Variants in ALDH1B1 observed in about 807,000 individuals in gnomAD.
ALDH1B1 encodes the protein aldehyde dehydrogenase 1 family member B1, also known as aldehyde dehydrogenase family 1 member B1, mitochondrial.
ALDH1B1 carries 19 observed loss-of-function variants against 26.2 expected under a neutral mutation model. That is an observed-to-expected ratio of 0.72 (90% CI 0.51 to 1.06). The LOEUF is 1.06. Among genes scored for constraint, ALDH1B1 ranks in the 50% least tolerant of loss-of-function variants. ALDH1B1 has a pLI of 0.00. For missense variants in ALDH1B1, 671 were observed against 683.1 expected, an observed-to-expected ratio of 0.98 and a Z score of 0.20; for synonymous variants, 249 against 286.0, an observed-to-expected ratio of 0.87 and a Z score of 1.31.
At position 38,395,880 on chromosome 9, in the gene ALDH1B1, A is replaced by G. The variant is rs1271164660; in HGVS notation, c.132A>G (p.Glu44=). The G allele has an allele frequency of 1.9e-6, 3 of 1,613,746 alleles. No individual in the cohort carries two copies. In the African/African-American group the frequency reaches 4.0e-5, roughly 22 times the overall value. The part of the protein sequence containing the change: ...IPYNQLFINN[E]WQDAVSKKTF... ...ACAACCAGCTGTTCATCAACAATGA[A>G]TGGCAAGATGCAGTCAGCAAGAAGA... Residue 44 remains glutamate (E), a synonymous_variant, in exon 2 of 2, where the codon GAA becomes GAG. Transcript: ENST00000377698.
At chr9:38,392,995 G>A (rs1821219051) in intron 1 of ALDH1B1, among the ~76,000 whole-genome samples, 188 bp downstream of exon 1, 1 of 152,198 alleles carries the variant, frequency 6.6e-6, no homozygotes, top group Non-Finnish European at 1.5e-5. Flanking sequence ...GGAGCCCCGA[G>A]GACACAGACG....
rs907585977 is a variant in ALDH1B1, at chr9:38,398,142, G to C, written c.*840G>C. On this transcript the variant is annotated 3_prime_UTR_variant, in exon 2 of 2. Transcript: ENST00000377698. The stretch of plus-strand genomic sequence containing the variant: ...ATCCATGGAGATGGAACATAGATTA[G>C]TGGTTGCCAGGGGATAGAGGAGTAA... The C allele has an allele frequency of 3.6e-5, 6 of 167,120 alleles. No individual in the cohort carries two copies. The highest frequency in any genetic ancestry group is 1.5e-5 in the Non-Finnish European group (1 of 68,138). The allele number at this position is 167,120 out of a possible 1,614,324, so 10.4% of individuals were successfully genotyped here. A position where few individuals can be genotyped will look rare whatever the true frequency, so the allele number is the denominator to read the frequency against.
rs1427149031 is a variant in ALDH1B1 at position 38,396,905 on chromosome 9, G to C, written c.1157G>C (p.Cys386Ser). The C allele has an allele frequency of 2.5e-6, 4 of 1,614,098 alleles. No individual in the cohort carries two copies. The highest frequency in any genetic ancestry group is 2.5e-6 in the Non-Finnish European group (3 of 1,180,060). Residue 386 changes from cysteine (C) to serine (S), a missense_variant, in exon 2 of 2, where the codon TGT (cysteine) becomes TCT (serine). By Grantham distance (112) the Cys-to-Ser change is moderately radical. Transcript: ENST00000377698. ...LGQKEGAKLL[C>S]GGERFGERGF... ...CAGAAGGAGGGCGCAAAACTCCTCTGTGGCGGAGAGCGTTTCGGGGAGCGT... is the reference window on the plus strand; with the variant it reads ...CAGAAGGAGGGCGCAAAACTCCTCTCTGGCGGAGAGCGTTTCGGGGAGCGT...
intron 1 of ALDH1B1, among the ~76,000 whole-genome samples, chr9:38,395,485 G>T (rs1395256087): frequency 6.6e-6 from 1 of 152,144 alleles, no homozygotes; most frequent in Non-Finnish European, 1.5e-5. Flanking sequence ...TTTTTAAAGG[G>T]TGGTCAGGGA....
At position 38,397,507 on chromosome 9, in the gene ALDH1B1, AC is replaced by A; in HGVS notation, c.*210del. On this transcript the variant is annotated 3_prime_UTR_variant, in exon 2 of 2. Transcript: ENST00000377698. ...CCAGGCTCAGAGTTCTACCTATCTAACCCCCAACCACAGCCCCCTTGGTGGC... is the reference window on the plus strand; with the variant it reads ...CCAGGCTCAGAGTTCTACCTATCTAACCCCAACCACAGCCCCCTTGGTGGC... 1 of 709,192 alleles carries A rather than the reference AC, an allele frequency of 1.4e-6. No individual in the cohort carries two copies. The highest frequency in any genetic ancestry group is 2.2e-6 in the Non-Finnish European group (1 of 447,178). 43.9% of individuals were successfully genotyped at this position (709,192 alleles called of 1,614,324 possible). A position where few individuals can be genotyped will look rare whatever the true frequency, so the allele number is the denominator to read the frequency against.
At position 38,397,437 on chromosome 9, in the gene ALDH1B1, A is replaced by AAATC; in HGVS notation, c.*137_*138insTCAA. On this transcript the variant is annotated 3_prime_UTR_variant, in exon 2 of 2. Transcript: ENST00000377698. ...AACTCTTAGAAGAAACCCCACAAAT[A>AAATC]AAGCAATTCAATCAAGGCTGTTCTA... 8.1e-7 allele frequency: 1 copy of AAATC among 1,236,248 alleles called. No individual in the cohort carries two copies. Among genetic ancestry groups the AAATC allele is most frequent in the African/African-American group, 1.5e-5 (1 of 65,506 alleles). 76.6% of individuals were successfully genotyped at this position (1,236,248 alleles called of 1,614,324 possible).
Position 38,397,585 on chromosome 9 carries a change from A to G in ALDH1B1, c.*283A>G. On this transcript the variant is annotated 3_prime_UTR_variant, in exon 2 of 2. Coordinates refer to ENST00000377698, the MANE Select transcript of ALDH1B1 (RefSeq NM_000692.5). ...GGAGTCTCTGGAGGACAGATTAAAA[A>G]CCAGTGATCTGTAATTTGTAGCTCT... 1 of 370,004 alleles carries G rather than the reference A, an allele frequency of 2.7e-6. No individual in the cohort carries two copies. Among genetic ancestry groups the G allele is most frequent in the Non-Finnish European group, 5.1e-6 (1 of 197,278 alleles). The allele number at this position is 370,004 out of a possible 1,614,324, so 22.9% of individuals were successfully genotyped here. A position where few individuals can be genotyped will look rare whatever the true frequency, so the allele number is the denominator to read the frequency against.
Position 38,396,065 on chromosome 9 carries a change from A to T in ALDH1B1, c.317A>T (p.Asn106Ile), listed in dbSNP as rs1403445746. 1 of 1,614,046 alleles carries T rather than the reference A, an allele frequency of 6.2e-7. No homozygotes were observed. Among genetic ancestry groups the T allele is most frequent in the Non-Finnish European group, 8.5e-7 (1 of 1,179,984 alleles). ...MDASERGRLL[N>I]RLADLVERDR... Reference sequence around the variant, plus strand: ...GCCTCTGAGCGGGGCCGGCTGCTGAACCGCCTGGCAGACCTAGTGGAGCGG... The same window carrying T: ...GCCTCTGAGCGGGGCCGGCTGCTGATCCGCCTGGCAGACCTAGTGGAGCGG... Residue 106 changes from asparagine (N) to isoleucine (I), a missense_variant, in exon 2 of 2, where the codon AAC becomes ATC. Coordinates refer to ENST00000377698, the MANE Select transcript of ALDH1B1 (RefSeq NM_000692.5).
chr9:38,396,869 T>C lies in ALDH1B1; in HGVS notation c.1121T>C (p.Ile374Thr). 2 of 1,614,220 alleles carry C rather than the reference T, an allele frequency of 1.2e-6. No individual in the cohort carries two copies. Among genetic ancestry groups the C allele is most frequent in the Non-Finnish European group, 1.7e-6 (2 of 1,180,048 alleles). The change falls in exon 2 of 2, where the codon ATC (isoleucine) becomes ACC (threonine). Residue 374 changes from isoleucine (I) to threonine (T), a missense_variant. By Grantham distance (89) the Ile-to-Thr change is moderately conservative. Transcript: ENST00000377698. ...KEQFERVLGY[I>T]QLGQKEGAKL... ...CAGTTTGAACGAGTCCTAGGCTACA[T>C]CCAGCTTGGCCAGAAGGAGGGCGCA...
In ALDH1B1 at chr9:38,397,502, A is replaced by G. The variant is rs2118264350; in HGVS notation, c.*200A>G. The stretch of plus-strand genomic sequence containing the variant: ...GGGGACCAGGCTCAGAGTTCTACCT[A>G]TCTAACCCCCAACCACAGCCCCCTT... On this transcript the variant is annotated 3_prime_UTR_variant, in exon 2 of 2. Coordinates refer to ENST00000377698, the MANE Select transcript of ALDH1B1 (RefSeq NM_000692.5). 1.3e-6 allele frequency: 1 copy of G among 781,564 alleles called. No homozygotes were observed. The highest frequency in any genetic ancestry group is 2.0e-6 in the Non-Finnish European group (1 of 507,536). 48.4% of individuals were successfully genotyped at this position (781,564 alleles called of 1,614,324 possible). A position where few individuals can be genotyped will look rare whatever the true frequency, so the allele number is the denominator to read the frequency against.
At position 38,396,677 on chromosome 9, in the gene ALDH1B1, C is replaced by T. The variant is rs760774339; in HGVS notation, c.929C>T (p.Ala310Val). The change falls in exon 2 of 2, where the codon GCC (alanine) becomes GTC (valine). Residue 310 changes from alanine (A) to valine (V), a missense_variant. Transcript: ENST00000377698. ...CATGCCGTGGAGCAGTGCCACGAAG[C>T]CCTGTTCTTCAACATGGGCCAGTGC... is the stretch of plus-strand genomic sequence containing the variant. ...MEHAVEQCHEALFFNMGQCCC... is the reference protein window; with the variant it reads ...MEHAVEQCHEVLFFNMGQCCC... The T allele has an allele frequency of 6.2e-7, 1 of 1,614,078 alleles. No homozygotes were observed. Among genetic ancestry groups the T allele is most frequent in the Non-Finnish European group, 8.5e-7 (1 of 1,180,054 alleles).
Position 38,395,926 on chromosome 9 carries a change from A to G in ALDH1B1, c.178A>G (p.Thr60Ala). ...SKKTFPTVNP[T>A]TGEVIGHVAE... ...GAAGACCTTCCCGACGGTCAACCCT[A>G]CCACCGGGGAGGTCATTGGGCACGT... Residue 60 changes from threonine (T) to alanine (A), a missense_variant, in exon 2 of 2, where the codon ACC (threonine) becomes GCC (alanine). Coordinates refer to ENST00000377698, the MANE Select transcript of ALDH1B1 (RefSeq NM_000692.5). 6.2e-7 allele frequency: 1 copy of G among 1,613,828 alleles called. No homozygotes were observed. Among genetic ancestry groups the G allele is most frequent in the Non-Finnish European group, 8.5e-7 (1 of 1,180,002 alleles).
rs1408596824 is a variant in ALDH1B1, at chr9:38,396,707, G to A, written c.959G>A (p.Cys320Tyr). The A allele has an allele frequency of 3.1e-6, 5 of 1,614,226 alleles. No homozygotes were observed. The highest frequency in any genetic ancestry group is 4.2e-6 in the Non-Finnish European group (5 of 1,180,046). Residue 320 changes from cysteine (C) to tyrosine (Y), a missense_variant, in exon 2 of 2, where the codon TGT becomes TAT. By Grantham distance (194) the Cys-to-Tyr change is radical (BLOSUM62 -2). Transcript: ENST00000377698. The part of the protein sequence containing the change: ...ALFFNMGQCC[C>Y]AGSRTFVEES... The stretch of plus-strand genomic sequence containing the variant: ...TTCTTCAACATGGGCCAGTGCTGCT[G>A]TGCTGGCTCCCGGACCTTCGTGGAA...
In ALDH1B1 at chr9:38,396,189, G is replaced by A; in HGVS notation, c.441G>A (p.Arg147=). Reference sequence around the variant, plus strand: ...TGGATGAGGTCATCAAGGTGTATCGGTACTTTGCTGGCTGGGCTGACAAGT... The same window carrying A: ...TGGATGAGGTCATCAAGGTGTATCGATACTTTGCTGGCTGGGCTGACAAGT... ...LDLDEVIKVY[R]YFAGWADKWH... The change falls in exon 2 of 2, where the codon CGG becomes CGA. Residue 147 remains arginine (R), a synonymous_variant. Transcript: ENST00000377698. 1 of 1,614,194 alleles carries A rather than the reference G, an allele frequency of 6.2e-7. No homozygotes were observed. The highest frequency in any genetic ancestry group is 8.5e-7 in the Non-Finnish European group (1 of 1,180,026).
At position 38,396,220 on chromosome 9, in the gene ALDH1B1, G is replaced by A. The variant is rs775347132; in HGVS notation, c.472G>A (p.Gly158Ser). 1.9e-6 allele frequency: 3 copies of A among 1,614,082 alleles called. No homozygotes were observed. Among genetic ancestry groups the A allele is most frequent in the Admixed American group, 3.3e-5 (2 of 60,014 alleles). ...TGCTGGCTGGGCTGACAAGTGGCAT[G>A]GCAAGACCATCCCCATGGATGGCCA... ...YFAGWADKWH[G>S]KTIPMDGQHF... is the part of the protein sequence containing the mutation. Residue 158 changes from glycine to serine, a missense_variant, in exon 2 of 2, where the codon GGC becomes AGC. Physicochemically the swap from Gly to Ser is moderately conservative, Grantham distance 56. Coordinates refer to ENST00000377698, the MANE Select transcript of ALDH1B1 (RefSeq NM_000692.5).
Position 38,396,427 on chromosome 9 carries a change from G to A in ALDH1B1, c.679G>A (p.Glu227Lys). Reference protein sequence around the residue: ...SALYLASLIKEAGFPPGVVNI... With the variant: ...SALYLASLIKKAGFPPGVVNI... Reference sequence around the variant, plus strand: ...CCTGTATTTGGCCTCCCTCATCAAGGAGGCAGGCTTTCCCCCTGGGGTGGT... The same window carrying A: ...CCTGTATTTGGCCTCCCTCATCAAGAAGGCAGGCTTTCCCCCTGGGGTGGT... The change falls in exon 2 of 2, where the codon GAG (glutamate) becomes AAG (lysine). Residue 227 changes from glutamate (E) to lysine (K), a missense_variant. Physicochemically the swap from Glu to Lys is moderately conservative, Grantham distance 56 (BLOSUM62 1). Transcript: ENST00000377698. 1 of 1,614,150 alleles carries A rather than the reference G, an allele frequency of 6.2e-7. No individual in the cohort carries two copies. The highest frequency in any genetic ancestry group is 8.5e-7 in the Non-Finnish European group (1 of 1,180,016).
At chr9:38,395,616 C>T in intron 1 of ALDH1B1, 124 bp from the exon 2 acceptor site, 1 of 1,348,874 alleles carries the variant, frequency 7.4e-7, no homozygotes, top group African/African-American at 1.5e-5. Context: ...CTCTTACAGT[C>T]TGTGTTTTTA....
In ALDH1B1 at chr9:38,396,244, C is replaced by A. The variant is rs530395062; in HGVS notation, c.496C>A (p.Gln166Lys). The change falls in exon 2 of 2, where the codon CAG (glutamine) becomes AAG (lysine). Residue 166 changes from glutamine to lysine, a missense_variant. Coordinates refer to ENST00000377698, the MANE Select transcript of ALDH1B1 (RefSeq NM_000692.5). ...TGGCAAGACCATCCCCATGGATGGCCAGCATTTCTGCTTCACCCGGCATGA... is the reference window on the plus strand; with the variant it reads ...TGGCAAGACCATCCCCATGGATGGCAAGCATTTCTGCTTCACCCGGCATGA... The part of the protein sequence containing the change: ...WHGKTIPMDG[Q>K]HFCFTRHEPV... 3.1e-6 allele frequency: 5 copies of A among 1,614,192 alleles called. No individual in the cohort carries two copies. The South Asian group carries it at 5.5e-5, about 18-fold the overall frequency.
chr9:38,396,416 C>T lies in ALDH1B1; in HGVS notation c.668C>T (p.Ser223Phe). Residue 223 changes from serine to phenylalanine, a missense_variant, in exon 2 of 2, where the codon TCC becomes TTC. By Grantham distance (155) the Ser-to-Phe change is radical. Transcript: ENST00000377698. ...QTPLSALYLASLIKEAGFPPG... is the reference protein window; with the variant it reads ...QTPLSALYLAFLIKEAGFPPG... ...CCCCTCTCTGCCCTGTATTTGGCCT[C>T]CCTCATCAAGGAGGCAGGCTTTCCC... is the stretch of plus-strand genomic sequence containing the variant. 6.2e-7 allele frequency: 1 copy of T among 1,614,136 alleles called. No homozygotes were observed. The highest frequency in any genetic ancestry group is 1.1e-5 in the South Asian group (1 of 91,086).
Sources: allele counts gnomAD v4.1 joint callset (sites outside exome capture counted in the v4.1 genomes callset), GRCh38; gene constraint gnomAD v4.1.1; transcripts MANE v1.5; gene names NCBI Gene and HGNC (gene_info 2026-07-23, HGNC 2026-07-21).